Variants in TBCE observed in about 807,000 individuals in gnomAD.
The protein encoded by TBCE is tubulin-specific chaperone E.
A neutral mutation model predicts 77.0 loss-of-function variants in TBCE; 53 were observed. The observed-to-expected ratio is 0.69, with a 90% confidence interval of 0.55 to 0.87. The LOEUF (loss-of-function observed/expected upper bound fraction) is 0.87. TBCE is among the 40% of genes least tolerant of loss of function. The probability of loss-of-function intolerance (pLI) is 0.00; values close to 1 mark genes in which losing one functional copy is unlikely to be tolerated. For synonymous variants in TBCE, 235 were observed against 241.3 expected (o/e 0.97, Z 0.24); for missense variants, 624 against 622.4 (o/e 1.00, Z -0.03).
intron 3 of TBCE, among the ~76,000 whole-genome samples, chr1:235,405,396 G>A (rs1338960458): frequency 1.3e-5 from 2 of 151,564 alleles, no homozygotes; most frequent in Non-Finnish European, 1.5e-5. Flanking sequence ...AGCACTTTGG[G>A]AGGCTGAGGC....
chr1:235,441,370 G>T (rs1365680483), intron 13 of TBCE: 4 of 259,284 alleles, frequency 1.5e-5, no homozygotes, highest in Non-Finnish European at 3.0e-5. Context: ...AGTGTCCTGT[G>T]GATCGTGTCT....
intron 3 of TBCE, among the ~76,000 whole-genome samples, chr1:235,402,305 G>A (rs938286801): frequency 2.0e-5 from 3 of 151,444 alleles, no homozygotes; most frequent in Non-Finnish European, 2.9e-5. Context: ...CTTGTGATCC[G>A]CCCGCCTCAG....
chr1:235,433,383 G>T (rs1681218665), intron 7 of TBCE: 3 of 196,962 alleles, frequency 1.5e-5, no homozygotes, highest in Non-Finnish European at 3.0e-5. Flanking sequence ...ACCACGCCTG[G>T]CTAATTTTTT....
rs913431478 is a variant in TBCE at position 235,436,556 on chromosome 1, C to T, written c.911C>T (p.Ser304Phe). 1 of 1,614,030 alleles carries T rather than the reference C, an allele frequency of 6.2e-7. No individual in the cohort carries two copies. The highest frequency in any genetic ancestry group is 8.5e-7 in the Non-Finnish European group (1 of 1,179,942). ...CCTCTTTTTATAGGGTGCAAAACGT[C>T]CATGTTCCCATCCTTGAAGTACCTG... ...FPDAGIGCKT[S>F]MFPSLKYLVV... is the part of the protein sequence containing the mutation. Residue 304 changes from serine to phenylalanine, a missense_variant, in exon 11 of 17, where the codon TCC becomes TTC. By Grantham distance (155) the Ser-to-Phe change is radical. Transcript: ENST00000642610.
chr1:235,429,591 TTC>T (rs1458846910), intron 6 of TBCE: 1 of 152,214 alleles, frequency 6.6e-6, no homozygotes, highest in East Asian at 1.9e-4. Flanking sequence ...TACTGTTTAA[TTC>T]TGTTTTGATA....
At chr1:235,420,278 A>G (rs1230369931) in intron 5 of TBCE, among the ~76,000 whole-genome samples, 1 of 151,214 alleles carries the variant, frequency 6.6e-6, no homozygotes, top group Non-Finnish European at 1.5e-5. Context: ...GGAACCTAAG[A>G]TGAATCTGCT....
Position 235,435,787 on chromosome 1 carries a change from C to T in TBCE, c.780C>T (p.Ser260=), listed in dbSNP as rs1453244641. The change falls in exon 9 of 17, where the codon TCC becomes TCT. Residue 260 remains serine (S), a synonymous_variant. Coordinates refer to ENST00000642610, the MANE Select transcript of TBCE (RefSeq NM_003193.5). ...AGACAGTCAAGTTATTAGATCTTTC[C>T]TCTAATCAATTAATTGATGAAAATC... ...VLQTVKLLDL[S]SNQLIDENQL... is the part of the protein sequence containing the mutation. 13 of 1,614,172 alleles carry T rather than the reference C, an allele frequency of 8.1e-6. No individual in the cohort carries two copies. Among genetic ancestry groups the T allele is most frequent in the South Asian group, 1.1e-5 (1 of 91,086 alleles).
rs76849185 is a variant in TBCE at position 235,431,176 on chromosome 1, G to C, written c.660+372G>C. Among the ~76,000 whole-genome samples, 331 of 152,200 alleles carry C rather than the reference G, an allele frequency of 2.2e-3. 1 individual carries two copies. Among genetic ancestry groups the C allele is most frequent in the African/African-American group, 7.5e-3 (310 of 41,524 alleles). ...TTTTTTTTAGAACAGAAGCCAAGCA[G>C]CAGAAAGGTTCTCACATACTTTTCT... On this transcript the variant is annotated intron_variant, in intron 7 of 16. Transcript: ENST00000642610.
At chr1:235,399,478 G>A (rs1046216155) in intron 2 of TBCE, among the ~76,000 whole-genome samples, 1 of 152,042 alleles carries the variant, frequency 6.6e-6, no homozygotes, top group Non-Finnish European at 1.5e-5. Context: ...CATTCTGACT[G>A]TGGGTCATAA....
intron 3 of TBCE, among the ~76,000 whole-genome samples, chr1:235,413,260 T>C (rs1173091411): frequency 6.6e-6 from 1 of 151,884 alleles, no homozygotes; most frequent in Admixed American, 6.6e-5. Context: ...CGTGGGAGGC[T>C]GAAGAGGGAG....
chr1:235,428,711 T>C (rs1456451752), intron 6 of TBCE, among the ~76,000 whole-genome samples: 1 of 151,416 alleles, frequency 6.6e-6, no homozygotes, highest in Non-Finnish European at 1.5e-5. Flanking sequence ...TGGCGTGATC[T>C]TGGCTCACTG....
intron 14 of TBCE, among the ~76,000 whole-genome samples, chr1:235,442,587 G>A (rs1007324628): frequency 6.6e-6 from 1 of 152,178 alleles, no homozygotes; most frequent in Non-Finnish European, 1.5e-5. Flanking sequence ...GAACCAAATT[G>A]TGATTTGTGA....
intron 1 of TBCE, among the ~76,000 whole-genome samples, chr1:235,373,055 C>G (rs1183409243): frequency 1.3e-5 from 2 of 151,512 alleles, no homozygotes; most frequent in Admixed American, 6.6e-5. Flanking sequence ...TTAATATGGC[C>G]AGTTGAGGTA....
chr1:235,442,853 A>G lies in TBCE; in HGVS notation c.1341A>G (p.Thr447=). The change falls in exon 15 of 17, where the codon ACA becomes ACG. Residue 447 remains threonine, a splice_region_variant and synonymous_variant. Transcript: ENST00000642610. ...TCTTTTTCTTTGTTTCTCTTAAAGC[A>G]CTGAAGATAAAATACCCTCATCAAC... ...QPLMLKNQLL[T]LKIKYPHQLD... 2 of 1,613,988 alleles carry G rather than the reference A, an allele frequency of 1.2e-6. No homozygotes were observed. Among genetic ancestry groups the G allele is most frequent in the Non-Finnish European group, 1.7e-6 (2 of 1,179,892 alleles).
intron 3 of TBCE, among the ~76,000 whole-genome samples, chr1:235,410,860 C>T (rs920271555): frequency 2.0e-4 from 30 of 152,276 alleles, no homozygotes; most frequent in East Asian, 1.9e-3. Context: ...AGTTCGAAAG[C>T]GTTGGTATGG....
chr1:235,440,182 G>C (rs910085222), intron 13 of TBCE, among the ~76,000 whole-genome samples: 1 of 152,120 alleles, frequency 6.6e-6, no homozygotes, highest in South Asian at 2.1e-4. Context: ...GTGTTAGCCA[G>C]GATGGTCTCG....
Position 235,442,869 on chromosome 1 carries a change from C to G in TBCE, c.1357C>G (p.Pro453Ala). 1.9e-6 allele frequency: 3 copies of G among 1,613,762 alleles called. No homozygotes were observed. Among genetic ancestry groups the G allele is most frequent in the South Asian group, 2.2e-5 (2 of 91,064 alleles). ...TCTTAAAGCACTGAAGATAAAATACCCTCATCAACTTGATCAGAAAGTCCT... is the reference window on the plus strand; with the variant it reads ...TCTTAAAGCACTGAAGATAAAATACGCTCATCAACTTGATCAGAAAGTCCT... ...NQLLTLKIKYPHQLDQKVLEK... is the reference protein window; with the variant it reads ...NQLLTLKIKYAHQLDQKVLEK... The change falls in exon 15 of 17, where the codon CCT becomes GCT. Residue 453 changes from proline to alanine, a missense_variant. Coordinates refer to ENST00000642610, the MANE Select transcript of TBCE (RefSeq NM_003193.5).
chr1:235,413,676 A>G (rs571072465), intron 3 of TBCE, among the ~76,000 whole-genome samples: 16 of 150,684 alleles, frequency 1.1e-4, no homozygotes, highest in Non-Finnish European at 1.6e-4. Flanking sequence ...AAAAAAAAAG[A>G]AAAAAAGTAA....
intron 15 of TBCE, among the ~76,000 whole-genome samples, chr1:235,445,652 AAAC>A (rs753670558): frequency 1.3e-5 from 2 of 152,058 alleles, no homozygotes; most frequent in Non-Finnish European, 2.9e-5. Context: ...AAACAAAACA[AAAC>A]AAAACTGCAA....
Sources: allele counts gnomAD v4.1 joint callset (sites outside exome capture counted in the v4.1 genomes callset), GRCh38; gene constraint gnomAD v4.1.1; transcripts MANE v1.5; gene names NCBI Gene and HGNC (gene_info 2026-07-23, HGNC 2026-07-21).